MTHFD1: variants seen among roughly 807,000 people sequenced by gnomAD.
MTHFD1 encodes the protein C-1-tetrahydrofolate synthase, cytoplasmic.
MTHFD1 carries 44 observed loss-of-function variants against 110.3 expected under a neutral mutation model. The ratio of observed to expected loss-of-function variants is 0.40; its 90% CI spans 0.31 to 0.51. The LOEUF (loss-of-function observed/expected upper bound fraction) is 0.51, where lower values mean the gene tolerates loss of function less well. Among genes scored for constraint, MTHFD1 ranks in the 20% least tolerant of loss-of-function variants. The pLI, the probability that MTHFD1 is intolerant of heterozygous loss-of-function variation, is 0.60. For missense variants in MTHFD1, 909 were observed against 1,173.1 expected (o/e 0.77, Z 3.29); for synonymous variants, 402 against 428.8 (o/e 0.94, Z 0.77).
intron 1 of MTHFD1, among the ~76,000 whole-genome samples, chr14:64,397,138 AATATATATATATAT>A (rs1182197415): frequency 0.011 from 135 of 11,912 alleles, no homozygotes; most frequent in Non-Finnish European, 0.014. Flanking sequence ...AAAAAAAAAA[AATATATATATATAT>A]ATATATATAT....
At chr14:64,415,951 T>C (rs1343056479) in intron 6 of MTHFD1, among the ~76,000 whole-genome samples, 1 of 152,044 alleles carries the variant, frequency 6.6e-6, no homozygotes, top group Non-Finnish European at 1.5e-5. Flanking sequence ...GCTAAGAAAA[T>C]AGGCTCAGGC....
intron 8 of MTHFD1, among the ~76,000 whole-genome samples, chr14:64,420,676 G>A (rs959906470): frequency 2.6e-5 from 4 of 151,832 alleles, no homozygotes; most frequent in African/African-American, 7.3e-5. Flanking sequence ...ATCTATCCCC[G>A]TGCTCTCGCC....
intron 21 of MTHFD1, among the ~76,000 whole-genome samples, chr14:64,442,779 G>C (rs1596553384): frequency 6.6e-6 from 1 of 152,176 alleles, no homozygotes; most frequent in East Asian, 1.9e-4. Context: ...CCAGTTAGCT[G>C]AGACAGAGGT....
chr14:64,405,924 T>A (rs981340804), intron 2 of MTHFD1, among the ~76,000 whole-genome samples: 3 of 151,934 alleles, frequency 2.0e-5, no homozygotes, highest in Non-Finnish European at 4.4e-5. Flanking sequence ...AGGGATGAGA[T>A]CCAATTCTAA....
chr14:64,399,588 G>C (rs1206008114), intron 1 of MTHFD1, among the ~76,000 whole-genome samples: 1 of 151,090 alleles, frequency 6.6e-6, no homozygotes, highest in Non-Finnish European at 1.5e-5. Context: ...GAACCCAGGA[G>C]GTGGAGGTTG....
chr14:64,426,068 G>C lies in MTHFD1; in HGVS notation c.1003G>C (p.Ala335Pro), dbSNP rs2078116178. The change falls in exon 11 of 28, where the codon GCT (alanine) becomes CCT (proline). Residue 335 changes from alanine (A) to proline (P), a missense_variant. This residue lies in a region of MTHFD1 where 424 missense variants were observed against 510.4 expected (regional missense o/e 0.83). Transcript: ENST00000652337. ...SCKPKPIGKL[A>P]REIGLLSEEV... ...TAAACCGAAGCCCATTGGTAAGCTGGCTCGAGAAATTGGTCTGCTGTCTGA... is the reference window on the plus strand; with the variant it reads ...TAAACCGAAGCCCATTGGTAAGCTGCCTCGAGAAATTGGTCTGCTGTCTGA... 1 of 1,613,840 alleles carries C rather than the reference G, an allele frequency of 6.2e-7. No individual in the cohort carries two copies. The highest frequency in any genetic ancestry group is 8.5e-7 in the Non-Finnish European group (1 of 1,180,028).
chr14:64,441,768 A>T, intron 19 of MTHFD1: 1 of 559,104 alleles, frequency 1.8e-6, no homozygotes, highest in East Asian at 3.2e-5. Context: ...ACGCCACTGC[A>T]CTCCAGACTG....
intron 1 of MTHFD1, among the ~76,000 whole-genome samples, chr14:64,397,099 C>CCCCAATTTATCCCCTGCCCCAATA (rs1566552956): frequency 5.3e-5 from 2 of 38,064 alleles, no homozygotes; most frequent in African/African-American, 1.3e-4. Context: ...AGGGAGACTG[C>CCCCAATTTATCCCCTGCCCCAATA]GTCTCAAAAA....
intron 1 of MTHFD1, among the ~76,000 whole-genome samples, chr14:64,393,754 CCT>C (rs956610861): frequency 6.6e-6 from 1 of 152,080 alleles, no homozygotes; most frequent in East Asian, 1.9e-4. Context: ...TCTGTGGTTC[CCT>C]GTTACATCCC....
At chr14:64,448,177 A>T in intron 22 of MTHFD1, 40 bp from the exon 23 acceptor site, 2 of 1,464,934 alleles carry the variant, frequency 1.4e-6, no homozygotes, top group Non-Finnish European at 1.9e-6. Context: ...GTGGTTTTCA[A>T]CTCTCTGATC....
chr14:64,445,353 A>G (rs1326399414), intron 22 of MTHFD1, among the ~76,000 whole-genome samples: 1 of 152,174 alleles, frequency 6.6e-6, no homozygotes, highest in African/African-American at 2.4e-5. Context: ...TTTTCTAGAC[A>G]AAGCTTCCTG....
Position 64,431,527 on chromosome 14 carries a change from T to C in MTHFD1, c.1312-5T>C, listed in dbSNP as rs764356141. The C allele has an allele frequency of 6.0e-5, 97 of 1,611,056 alleles. No homozygotes were observed. The highest frequency in any genetic ancestry group is 8.0e-5 in the Non-Finnish European group (94 of 1,177,466). On this transcript the variant is annotated splice_polypyrimidine_tract_variant and splice_region_variant and intron_variant, in intron 13 of 27. Coordinates refer to ENST00000652337, the MANE Select transcript of MTHFD1 (RefSeq NM_005956.4). Reference sequence around the variant, plus strand: ...GAGACTAATGTGGCTTCTGTTCTTTTGTAGTTTAATCTCCACCTCACAGGT... The same window carrying C: ...GAGACTAATGTGGCTTCTGTTCTTTCGTAGTTTAATCTCCACCTCACAGGT...
chr14:64,404,545 C>CAG (rs2077923024), intron 2 of MTHFD1, among the ~76,000 whole-genome samples: 1 of 152,208 alleles, frequency 6.6e-6, no homozygotes, highest in African/African-American at 2.4e-5. Context: ...ACAGGAAACT[C>CAG]ACGGCTTTCA....
At position 64,419,861 on chromosome 14, in the gene MTHFD1, G is replaced by A. The variant is rs753088926; in HGVS notation, c.663G>A (p.Met221Ile). The change falls in exon 8 of 28, where the codon ATG (methionine) becomes ATA (isoleucine). Residue 221 changes from methionine (M) to isoleucine (I), a missense_variant. Coordinates refer to ENST00000652337, the MANE Select transcript of MTHFD1 (RefSeq NM_005956.4). ...ILVVATGQPE[M>I]VKGEWIKPGA... ...TGGTTGCAACTGGTCAGCCTGAAAT[G>A]GTTAAAGGGGAGTGGATCAAACCTG... The A allele has an allele frequency of 6.2e-7, 1 of 1,614,142 alleles. No individual in the cohort carries two copies. Among genetic ancestry groups the A allele is most frequent in the East Asian group, 2.2e-5 (1 of 44,882 alleles).
At chr14:64,401,016 C>T (rs538693202) in intron 2 of MTHFD1, 139 bp downstream of exon 2, 4 of 697,518 alleles carry the variant, frequency 5.7e-6, no homozygotes, top group East Asian at 2.7e-5. Context: ...TGGCAGGCTC[C>T]CCCCTTTGGC....
chr14:64,414,818 T>C (rs2078013485), intron 4 of MTHFD1, among the ~76,000 whole-genome samples: 1 of 151,788 alleles, frequency 6.6e-6, no homozygotes, highest in Admixed American at 6.6e-5. Flanking sequence ...GCCTCCCGAG[T>C]AGCTAGGATT....
In MTHFD1 at chr14:64,412,365, G is replaced by A. The variant is rs1036043073; in HGVS notation, c.187-107G>A. The A allele has an allele frequency of 3.6e-6, 3 of 840,660 alleles. No homozygotes were observed. The African/African-American group carries it at 5.0e-5, about 14-fold the overall frequency. 52.1% of individuals were successfully genotyped at this position (840,660 alleles called of 1,614,324 possible). A position where few individuals can be genotyped will look rare whatever the true frequency, so the allele number is the denominator to read the frequency against. On this transcript the variant is annotated intron_variant, in intron 3 of 27. Transcript: ENST00000652337. Reference sequence around the variant, plus strand: ...CTCATTCTTCAGAACATATAAGGGTGAAATGATGACCAACACCTCCTTGCT... The same window carrying A: ...CTCATTCTTCAGAACATATAAGGGTAAAATGATGACCAACACCTCCTTGCT...
intron 12 of MTHFD1, among the ~76,000 whole-genome samples, chr14:64,428,744 G>A (rs2078136976): frequency 1.3e-5 from 2 of 151,192 alleles, no homozygotes; most frequent in South Asian, 4.2e-4. Flanking sequence ...AGTAGAGATG[G>A]GGTTTCACTA....
intron 9 of MTHFD1, 56 bp downstream of exon 9, chr14:64,424,987 T>A (rs2078107975): frequency 3.7e-6 from 6 of 1,607,188 alleles, no homozygotes; most frequent in Non-Finnish European, 5.1e-6. Flanking sequence ...GAGTTTTGGC[T>A]GCTTTTCTCC....
Sources: gnomAD v4.1 joint callset for allele counts (sites outside exome capture counted in the v4.1 genomes callset) on GRCh38, gnomAD v4.1.1 for gene constraint, gnomAD v4.1.1 regional missense constraint, MANE v1.5 for transcripts, NCBI Gene and HGNC (gene_info 2026-07-23, HGNC 2026-07-21) for gene names.